The following SERPINA12 variants were observed in gnomAD, a reference collection of about 807,000 sequenced individuals.
SERPINA12 encodes the protein serpin A12.
In SERPINA12, 21 loss-of-function variants were observed where a neutral mutation model predicts 25.9. The ratio of observed to expected loss-of-function variants is 0.81; its 90% CI spans 0.58 to 1.17. The LOEUF (loss-of-function observed/expected upper bound fraction) is 1.17, where lower values mean the gene tolerates loss of function less well. SERPINA12 is among the 50% of genes most tolerant of loss of function. The pLI is 0.00. For missense variants in SERPINA12, 562 were observed against 508.3 expected (o/e 1.11, Z -1.02); for synonymous variants, 220 against 196.0 (o/e 1.12, Z -1.02).
In SERPINA12 at chr14:94,496,222, A is replaced by G. The variant is rs184342538; in HGVS notation, c.905+151T>C. ...GAGCCAGGCACTTCACTCTATTCCTATGATTTGTTCCCCAGTCTAATTCTC... is the reference window on the plus strand; with the variant it reads ...GAGCCAGGCACTTCACTCTATTCCTGTGATTTGTTCCCCAGTCTAATTCTC... On this transcript the variant is annotated intron_variant, in intron 3 of 4. Transcript: ENST00000677451. The G allele has an allele frequency of 7.8e-4, 591 of 756,706 alleles. 1 individual carries two copies. Among genetic ancestry groups the G allele is most frequent in the Admixed American group, 1.3e-3 (49 of 36,826 alleles). 46.9% of individuals were successfully genotyped at this position (756,706 alleles called of 1,614,324 possible).
chr14:94,499,524 G>T (rs1007301607), intron 1 of SERPINA12, among the ~76,000 whole-genome samples: 7 of 152,180 alleles, frequency 4.6e-5, no homozygotes, highest in Non-Finnish European at 7.3e-5. Flanking sequence ...TATGTAAAAC[G>T]AAGGCAGATT....
intron 3 of SERPINA12, among the ~76,000 whole-genome samples, chr14:94,493,468 G>A (rs999483871): frequency 6.6e-6 from 1 of 152,196 alleles, no homozygotes; most frequent in East Asian, 1.9e-4. Flanking sequence ...AGGAGATGCG[G>A]AAAGCAGTCC....
At chr14:94,516,089 CT>C (rs1566817615) in exon 2 of SERPINA12, 1 of 152,464 alleles carries the variant, frequency 6.6e-6, no homozygotes, top group Non-Finnish European at 1.5e-5. Flanking sequence ...TGTGCTGGCT[CT>C]GTTCTTGCTC....
upstream of SERPINA12, among the ~76,000 whole-genome samples, chr14:94,514,457 T>C (rs1901181887): frequency 6.6e-6 from 1 of 152,212 alleles, no homozygotes; most frequent in Admixed American, 6.5e-5. Flanking sequence ...GTGACTCACC[T>C]AGTTATGGCT....
At chr14:94,512,583 C>T (rs1010031298), upstream of SERPINA12, among the ~76,000 whole-genome samples, 1 of 152,130 alleles carries the variant, frequency 6.6e-6, no homozygotes, top group African/African-American at 2.4e-5. Flanking sequence ...CTCTGCTCAC[C>T]ATTCTCATCC....
chr14:94,493,936 A>T (rs1344041866), intron 3 of SERPINA12, among the ~76,000 whole-genome samples: 1 of 152,214 alleles, frequency 6.6e-6, no homozygotes, highest in African/African-American at 2.4e-5. Context: ...CAGGGGCTGC[A>T]GAGGGCCTCA....
intron 3 of SERPINA12, 35 bp from the exon 4 acceptor site, chr14:94,489,802 G>T: frequency 6.2e-7 from 1 of 1,605,166 alleles, no homozygotes; most frequent in Non-Finnish European, 8.5e-7. Flanking sequence ...GAGTGGTCAA[G>T]TCCTGTTGTG....
intron 3 of SERPINA12, among the ~76,000 whole-genome samples, chr14:94,492,843 C>G (rs945768627): frequency 6.6e-6 from 1 of 152,122 alleles, no homozygotes; most frequent in Non-Finnish European, 1.5e-5. Context: ...GTTTTCTGCT[C>G]CTAAAGGTGG....
intron 4 of SERPINA12, among the ~76,000 whole-genome samples, chr14:94,488,358 C>T (rs989967010): frequency 3.3e-5 from 5 of 151,972 alleles, no homozygotes; most frequent in African/African-American, 1.2e-4. Context: ...CTCCACTAAG[C>T]ACCCAATCCC....
At chr14:94,495,359 C>T (rs1441372374) in intron 3 of SERPINA12, among the ~76,000 whole-genome samples, 2 of 152,094 alleles carry the variant, frequency 1.3e-5, no homozygotes, top group Admixed American at 6.5e-5. Context: ...TGAGCCACCG[C>T]GCCCGGCCAG....
At chr14:94,502,710 T>G (rs1900780733) in intron 1 of SERPINA12, among the ~76,000 whole-genome samples, 1 of 152,186 alleles carries the variant, frequency 6.6e-6, no homozygotes, top group African/African-American at 2.4e-5. Flanking sequence ...TGATGTAATA[T>G]CCTTCCTCAA....
At chr14:94,505,092 C>T (rs1900885440) in intron 1 of SERPINA12, among the ~76,000 whole-genome samples, 1 of 152,152 alleles carries the variant, frequency 6.6e-6, no homozygotes. Flanking sequence ...ATTTCTTCCC[C>T]ATTGAGTGGT....
At chr14:94,498,602 A>G (rs1302802975) in intron 1 of SERPINA12, among the ~76,000 whole-genome samples, 172 bp from the exon 2 acceptor site, 1 of 152,224 alleles carries the variant, frequency 6.6e-6, no homozygotes, top group Non-Finnish European at 1.5e-5. Context: ...GGGACTAGAA[A>G]TGACTTCTAC....
Position 94,487,498 on chromosome 14 carries a change from C to A in SERPINA12, c.1054-4G>T. On this transcript the variant is annotated splice_region_variant and splice_polypyrimidine_tract_variant and intron_variant, in intron 4 of 4. Transcript: ENST00000677451. ...TCAGCTCAGCCTTGTGCACAGCCTA[C>A]GGAAGCCAAGGGCAAAGTCAAGGTC... 6.3e-7 allele frequency: 1 copy of A among 1,598,680 alleles called. No homozygotes were observed. The highest frequency in any genetic ancestry group is 1.1e-5 in the South Asian group (1 of 88,620).
chr14:94,500,989 T>C, intron 1 of SERPINA12: 1 of 984,658 alleles, frequency 1.0e-6, no homozygotes, highest in Non-Finnish European at 1.2e-6. Context: ...TGAACCTGGG[T>C]GCTCTCTAAG....
At chr14:94,508,068 G>A (rs1900995741) in intron 1 of SERPINA12, among the ~76,000 whole-genome samples, 1 of 152,212 alleles carries the variant, frequency 6.6e-6, no homozygotes, top group Non-Finnish European at 1.5e-5. Flanking sequence ...GTTGATGCTT[G>A]TGACAGACAG....
In SERPINA12 at chr14:94,494,740, C is replaced by G. The variant is rs561858159; in HGVS notation, c.905+1633G>C. Among the ~76,000 whole-genome samples the G allele has an allele frequency of 1.8e-4, 28 of 152,318 alleles. No homozygotes were observed. The South Asian group carries it at 2.5e-3, about 14-fold the overall frequency. On this transcript the variant is annotated intron_variant, in intron 3 of 4. Coordinates refer to ENST00000677451, the MANE Select transcript of SERPINA12 (RefSeq NM_001382267.1). ...ACAATGGGAAGGAAAGAGGAATTTG[C>G]ATTTGGATATGTTTTCTGTGGGGCA...
At chr14:94,498,879 T>C (rs1900589043) in intron 1 of SERPINA12, among the ~76,000 whole-genome samples, 1 of 152,152 alleles carries the variant, frequency 6.6e-6, no homozygotes, top group African/African-American at 2.4e-5. Flanking sequence ...CCCTAAGCTT[T>C]GGGGCAGCTA....
At chr14:94,496,879 A>G (rs1272631036) in intron 2 of SERPINA12, among the ~76,000 whole-genome samples, 1 of 152,190 alleles carries the variant, frequency 6.6e-6, no homozygotes, top group East Asian at 1.9e-4. Flanking sequence ...AGGGGAAAAG[A>G]AGACTACCAT....
Sources: gnomAD v4.1 joint callset for allele counts (sites outside exome capture counted in the v4.1 genomes callset) on GRCh38, gnomAD v4.1.1 for gene constraint, MANE v1.5 for transcripts, NCBI Gene and HGNC (gene_info 2026-07-23, HGNC 2026-07-21) for gene names.